The following AIM2 variants were observed in gnomAD, a reference collection of about 807,000 sequenced individuals.
The protein encoded by AIM2 is absent in melanoma 2, also known as interferon-inducible protein AIM2.
Under a neutral mutation model 27.7 loss-of-function variants are expected in AIM2, and 30 were observed. The observed-to-expected ratio is 1.08, with a 90% CI of 0.81 to 1.47. The LOEUF (loss-of-function observed/expected upper bound fraction) is 1.47, where lower values mean the gene tolerates loss of function less well. Among genes scored for constraint, AIM2 ranks in the 40% most tolerant of loss-of-function variants. AIM2 has a pLI of 0.00. For synonymous variants in AIM2, 141 were observed against 145.3 expected (o/e 0.97, Z 0.21); for missense variants, 358 against 411.3 (o/e 0.87, Z 1.12).
chr1:159,116,396 T>C (rs1207019400), intron 1 of AIM2, among the ~76,000 whole-genome samples: 1 of 152,180 alleles, frequency 6.6e-6, no homozygotes, highest in Non-Finnish European at 1.5e-5. Context: ...ATGTTTATTG[T>C]GGCACTATTC....
At chr1:159,081,211 A>T (rs80323972), upstream of AIM2, 16,709 of 223,384 alleles carry the variant, frequency 0.075, 1,182 homozygotes, top group East Asian at 0.3. Flanking sequence ...TTCATTCTAA[A>T]AATATACCAT....
intron 1 of AIM2, among the ~76,000 whole-genome samples, chr1:159,115,446 A>G (rs1474959494): frequency 6.6e-6 from 1 of 152,232 alleles, no homozygotes; most frequent in Non-Finnish European, 1.5e-5. Flanking sequence ...CTACAAGGCT[A>G]TGGTAACCAA....
chr1:159,127,829 T>C (rs533375110), intron 1 of AIM2, among the ~76,000 whole-genome samples: 4 of 152,300 alleles, frequency 2.6e-5, no homozygotes, highest in Admixed American at 2.0e-4. Flanking sequence ...ATTTCTGTTG[T>C]TTATAAACCA....
chr1:159,096,075 A>G (rs1657175246), intron 1 of AIM2, among the ~76,000 whole-genome samples: 1 of 152,204 alleles, frequency 6.6e-6, no homozygotes, highest in African/African-American at 2.4e-5. Flanking sequence ...GGGCTTTGGG[A>G]TGACTCCACT....
intron 1 of AIM2, among the ~76,000 whole-genome samples, chr1:159,112,920 C>A (rs1657606576): frequency 6.8e-6 from 1 of 146,896 alleles, no homozygotes; most frequent in African/African-American, 2.6e-5. Context: ...TGTTTCAAAC[C>A]TAATATATAC....
intron 1 of AIM2, among the ~76,000 whole-genome samples, chr1:159,090,044 T>G (rs559659106): frequency 6.6e-6 from 1 of 152,298 alleles, no homozygotes; most frequent in East Asian, 1.9e-4. Context: ...TTAGGGTCTA[T>G]GAGGAGGTTC....
downstream of AIM2, among the ~76,000 whole-genome samples, chr1:159,059,532 A>C (rs1390869527): frequency 2.0e-5 from 3 of 152,190 alleles, no homozygotes; most frequent in Non-Finnish European, 4.4e-5. Context: ...AATTTGACTT[A>C]ATGAACTCTA....
At chr1:159,114,516 A>G (rs1647279180) in intron 1 of AIM2, among the ~76,000 whole-genome samples, 1 of 152,208 alleles carries the variant, frequency 6.6e-6, no homozygotes, top group African/African-American at 2.4e-5. Flanking sequence ...CAGGAGTTTG[A>G]GACCAGCCTG....
Position 159,130,158 on chromosome 1 carries a change from A to G in AIM2, c.-16+10273T>C, listed in dbSNP as rs552309319. On this transcript the variant is annotated intron_variant, in intron 1 of 2. Coordinates refer to the AIM2 transcript ENST00000368129. ...AGCCCTCCTAGTTTTCTTCCTGCCT[A>G]TCTGGCCAGTCTCATTTGCTCGCTT... Among the ~76,000 whole-genome samples, 6 of 152,082 alleles carry G rather than the reference A, an allele frequency of 3.9e-5. No homozygotes were observed. The South Asian group carries it at 1.2e-3, about 32-fold the overall frequency.
intron 1 of AIM2, among the ~76,000 whole-genome samples, chr1:159,104,015 A>C (rs1398602309): frequency 6.6e-6 from 1 of 152,002 alleles, no homozygotes; most frequent in Non-Finnish European, 1.5e-5. Flanking sequence ...AAGCAGAAAT[A>C]ACAGGAAAAA....
chr1:159,128,160 T>G (rs1312431781), intron 1 of AIM2, among the ~76,000 whole-genome samples: 1 of 152,024 alleles, frequency 6.6e-6, no homozygotes, highest in Admixed American at 6.6e-5. Flanking sequence ...ATAAAATAGT[T>G]GCCAGATATG....
intron 1 of AIM2, among the ~76,000 whole-genome samples, chr1:159,090,771 G>A (rs142073332): frequency 1.4e-4 from 21 of 152,298 alleles, no homozygotes; most frequent in African/African-American, 4.1e-4. Flanking sequence ...TCAAACATGT[G>A]TAAGGCATGT....
intron 1 of AIM2, among the ~76,000 whole-genome samples, chr1:159,082,373 A>G (rs1656798247): frequency 6.6e-6 from 1 of 152,228 alleles, no homozygotes; most frequent in South Asian, 2.1e-4. Flanking sequence ...ACAACAATTT[A>G]TATACACATT....
Position 159,066,192 on chromosome 1 carries a change from A to C in AIM2, c.534T>G (p.His178Gln). Reference sequence around the variant, plus strand: ...ATTCCTTTTCTGTAGCCACTGTAGCATGAAACATCTCCTGCTTGCCTTCTT... The same window carrying C: ...ATTCCTTTTCTGTAGCCACTGTAGCCTGAAACATCTCCTGCTTGCCTTCTT... ...ETQEGKQEMF[H>Q]ATVATEKEFF... Residue 178 changes from histidine to glutamine, a missense_variant, in exon 4 of 6, where the codon CAT becomes CAG. Transcript: ENST00000368130. 1 of 1,614,238 alleles carries C rather than the reference A, an allele frequency of 6.2e-7. No individual in the cohort carries two copies. Among genetic ancestry groups the C allele is most frequent in the Non-Finnish European group, 8.5e-7 (1 of 1,180,034 alleles).
rs536890830 is a variant in AIM2 at position 159,085,545 on chromosome 1, G to A, written c.-15-19216C>T. Among the ~76,000 whole-genome samples, 3 of 152,282 alleles carry A rather than the reference G, an allele frequency of 2.0e-5. No individual in the cohort carries two copies. The East Asian group carries it at 5.8e-4, about 29-fold the overall frequency. On this transcript the variant is annotated intron_variant, in intron 1 of 2. Coordinates refer to the AIM2 transcript ENST00000368129. ...TGAGGTGCCCAAGAGATATGTAAAT[G>A]GAGATGTTTAATTGAATATATAAGC...
At chr1:159,073,556 A>G (rs1656464695) in intron 1 of AIM2, 37 bp from the exon 2 acceptor site, 2 of 1,541,030 alleles carry the variant, frequency 1.3e-6, no homozygotes, top group African/African-American at 2.8e-5. Flanking sequence ...TTACACCACC[A>G]AAAGTGATTC....
chr1:159,059,113 A>G (rs1225828855), downstream of AIM2, among the ~76,000 whole-genome samples: 1 of 152,176 alleles, frequency 6.6e-6, no homozygotes, highest in African/African-American at 2.4e-5. Context: ...AAAGTTTACC[A>G]TTGTGGTCTG....
Position 159,066,337 on chromosome 1 carries a change from C to T in AIM2, c.397-8G>A, listed in dbSNP as rs779094080. On this transcript the variant is annotated splice_region_variant and splice_polypyrimidine_tract_variant and intron_variant, in intron 3 of 5. Coordinates refer to ENST00000368130, the MANE Select transcript of AIM2 (RefSeq NM_004833.3). The stretch of plus-strand genomic sequence containing the variant: ...CATCTGTTTCTGTTCAGGCTGAAGA[C>T]AAGAGAAGAAAGATATCAGCTGTGA... The T allele has an allele frequency of 1.2e-6, 2 of 1,600,722 alleles. No homozygotes were observed. Among genetic ancestry groups the T allele is most frequent in the African/African-American group, 2.7e-5 (2 of 73,902 alleles).
intron 4 of AIM2, 82 bp from the exon 5 acceptor site, chr1:159,063,756 A>G: frequency 7.3e-7 from 1 of 1,365,372 alleles, no homozygotes; most frequent in Non-Finnish European, 1.0e-6. Context: ...ATGCCAGAAG[A>G]AGGCTCTAAA....
Sources: gnomAD v4.1 joint callset for allele counts (sites outside exome capture counted in the v4.1 genomes callset) on GRCh38, gnomAD v4.1.1 for gene constraint, MANE v1.5 for transcripts, NCBI Gene and HGNC (gene_info 2026-07-23, HGNC 2026-07-21) for gene names.